The following MCTP1 variants were observed in gnomAD, a reference collection of about 807,000 sequenced individuals.
MCTP1 encodes the protein multiple C2 and transmembrane domain containing 1, also known as multiple C2 and transmembrane domain-containing protein 1.
A neutral mutation model predicts 120.6 loss-of-function variants in MCTP1; 69 were observed. That is an observed-to-expected ratio of 0.57 (90% confidence interval 0.47 to 0.70). MCTP1 has a LOEUF of 0.70. Ranked by LOEUF, MCTP1 falls within the 30% of genes least tolerant of loss-of-function variation. MCTP1 has a pLI of 0.00. For synonymous variants in MCTP1, 529 were observed against 493.1 expected (o/e 1.07, Z -0.96); for missense variants, 1,203 against 1,248.8 (o/e 0.96, Z 0.55).
chr5:95,017,858 G>A (rs953680225), intron 1 of MCTP1, among the ~76,000 whole-genome samples: 1 of 152,110 alleles, frequency 6.6e-6, no homozygotes, highest in Non-Finnish European at 1.5e-5. Flanking sequence ...GAGCAGTTGA[G>A]TTCTACCTAA....
At chr5:94,707,691 A>T (rs1165881918) in intron 22 of MCTP1, 124 bp from the exon 23 acceptor site, 1 of 698,614 alleles carries the variant, frequency 1.4e-6, no homozygotes. Context: ...GCTGTATGGG[A>T]TCTGCAGCTG....
At chr5:94,787,941 A>G (rs1347591815) in intron 18 of MCTP1, among the ~76,000 whole-genome samples, 1 of 152,228 alleles carries the variant, frequency 6.6e-6, no homozygotes, top group Admixed American at 6.5e-5. Context: ...AGCATAGCAG[A>G]ATGAATAACC....
intron 19 of MCTP1, among the ~76,000 whole-genome samples, chr5:94,717,582 G>C (rs557617138): frequency 6.6e-5 from 10 of 152,112 alleles, no homozygotes; most frequent in African/African-American, 2.2e-4. Context: ...AAGTCAAACT[G>C]TTTCTGTTTG....
chr5:94,966,522 G>A (rs1235261704), intron 2 of MCTP1, among the ~76,000 whole-genome samples: 1 of 151,970 alleles, frequency 6.6e-6, no homozygotes, highest in Non-Finnish European at 1.5e-5. Flanking sequence ...CTGGCCGGAC[G>A]CGGTGGCTCA....
chr5:95,210,501 GC>G (rs1340802489), intron 1 of MCTP1, among the ~76,000 whole-genome samples: 2 of 149,384 alleles, frequency 1.3e-5, no homozygotes, highest in Admixed American at 1.3e-4. Context: ...TGCAACCCCT[GC>G]CTTTTTTTGT....
intron 20 of MCTP1, among the ~76,000 whole-genome samples, chr5:94,712,689 A>G (rs1046891719): frequency 6.6e-5 from 10 of 151,994 alleles, no homozygotes; most frequent in Non-Finnish European, 1.5e-4. Context: ...TATGGTCAAG[A>G]GTGAGCATCT....
At chr5:94,803,997 AC>A (rs1369663359) in intron 17 of MCTP1, among the ~76,000 whole-genome samples, 1 of 152,194 alleles carries the variant, frequency 6.6e-6, no homozygotes, top group Non-Finnish European at 1.5e-5. Flanking sequence ...TGAAAGCCAG[AC>A]AGCATCCAAA....
intron 1 of MCTP1, chr5:95,081,674 A>G: frequency 7.6e-7 from 1 of 1,316,362 alleles, no homozygotes; most frequent in South Asian, 2.4e-5. Flanking sequence ...TGATGTTTAA[A>G]TAACGTAGCT....
intron 19 of MCTP1, among the ~76,000 whole-genome samples, chr5:94,730,008 G>A (rs139701066): frequency 6.6e-6 from 1 of 152,126 alleles, no homozygotes. Flanking sequence ...TACTACAGTA[G>A]CCCACAAAAA....
chr5:94,727,329 AT>A (rs907294354), intron 19 of MCTP1, among the ~76,000 whole-genome samples: 5 of 151,948 alleles, frequency 3.3e-5, no homozygotes, highest in Middle Eastern at 6.3e-3. Context: ...TGCACTTATT[AT>A]TTTTTTTCCC....
At chr5:94,871,128 G>A (rs138674719) in intron 14 of MCTP1, among the ~76,000 whole-genome samples, 155 bp from the exon 15 acceptor site, 343 of 152,106 alleles carry the variant, frequency 2.3e-3, no homozygotes, top group Admixed American at 4.7e-3. Flanking sequence ...GATCAAGTCT[G>A]TCAGGAAAAA....
At chr5:94,883,286 T>C (rs919402261) in intron 12 of MCTP1, among the ~76,000 whole-genome samples, 1 of 152,166 alleles carries the variant, frequency 6.6e-6, no homozygotes, top group Admixed American at 6.5e-5. Flanking sequence ...CATTATAAAT[T>C]GGATAAAATG....
At chr5:94,851,631 A>G (rs1358185656) in intron 17 of MCTP1, among the ~76,000 whole-genome samples, 1 of 152,080 alleles carries the variant, frequency 6.6e-6, no homozygotes, top group Non-Finnish European at 1.5e-5. Context: ...TTTGAATAAT[A>G]AACCTTTTAA....
intron 1 of MCTP1, among the ~76,000 whole-genome samples, chr5:95,144,040 T>A (rs757242527): frequency 1.3e-5 from 2 of 152,210 alleles, no homozygotes; most frequent in Non-Finnish European, 2.9e-5. Context: ...GTCTAAGAGT[T>A]CCCTTTTCTC....
intron 1 of MCTP1, among the ~76,000 whole-genome samples, chr5:95,235,198 A>G (rs1582618134): frequency 6.6e-6 from 1 of 151,982 alleles, no homozygotes; most frequent in Non-Finnish European, 1.5e-5. Context: ...ATATCAACAA[A>G]CACAAAAATA....
intron 17 of MCTP1, among the ~76,000 whole-genome samples, chr5:94,830,576 T>C (rs1788277476): frequency 6.6e-6 from 1 of 152,206 alleles, no homozygotes; most frequent in Non-Finnish European, 1.5e-5. Context: ...ATACTGATGG[T>C]CTTTCATGGA....
At chr5:94,960,426 TAA>T (rs1823843633) in intron 2 of MCTP1, among the ~76,000 whole-genome samples, 1 of 152,172 alleles carries the variant, frequency 6.6e-6, no homozygotes, top group African/African-American at 2.4e-5. Context: ...AAATGAGATC[TAA>T]TTAAATTAAG....
At chr5:94,807,396 G>C (rs1782564224) in intron 17 of MCTP1, among the ~76,000 whole-genome samples, 1 of 152,196 alleles carries the variant, frequency 6.6e-6, no homozygotes. Flanking sequence ...TTAAAGAAGA[G>C]AGCTGGGTAA....
At chr5:94,827,571 G>A (rs1315390969) in intron 17 of MCTP1, among the ~76,000 whole-genome samples, 2 of 152,120 alleles carry the variant, frequency 1.3e-5, no homozygotes, top group Non-Finnish European at 2.9e-5. Context: ...TTCCAACTTG[G>A]TTGCATTTTC....
Sources: gnomAD v4.1 joint callset for allele counts (sites outside exome capture counted in the v4.1 genomes callset) on GRCh38, gnomAD v4.1.1 for gene constraint, MANE v1.5 for transcripts, NCBI Gene and HGNC (gene_info 2026-07-23, HGNC 2026-07-21) for gene names.